RBM39: variants seen among roughly 807,000 people sequenced by gnomAD.
The protein encoded by RBM39 is RNA-binding protein 39.
In RBM39, 12 loss-of-function variants were observed where a neutral mutation model predicts 79.6. The ratio of observed to expected loss-of-function variants is 0.15; its 90% CI spans 0.10 to 0.24. The LOEUF is 0.24. RBM39 is among the 10% of genes least tolerant of loss of function. RBM39 has a pLI of 1.00. For synonymous variants in RBM39, 185 were observed against 208.4 expected (o/e 0.89, Z 0.97); for missense variants, 243 against 653.4 (o/e 0.37, Z 6.85).
At chr20:35,714,972 G>A (rs2036921726) in intron 10 of RBM39, among the ~76,000 whole-genome samples, 1 of 152,094 alleles carries the variant, frequency 6.6e-6, no homozygotes, top group Non-Finnish European at 1.5e-5. Context: ...TAAAATTGGT[G>A]AGCTATGTTT....
At chr20:35,716,560 T>C (rs1569011090) in intron 10 of RBM39, among the ~76,000 whole-genome samples, 180 bp downstream of exon 10, 1 of 152,118 alleles carries the variant, frequency 6.6e-6, no homozygotes, top group South Asian at 2.1e-4. Flanking sequence ...ATATTACCCT[T>C]TGTTGTGAAA....
chr20:35,740,616 G>C (rs777104395), intron 2 of RBM39: 28 of 1,447,718 alleles, frequency 1.9e-5, no homozygotes, highest in Non-Finnish European at 2.6e-5. Context: ...AGAGATAGAT[G>C]GGCATTTATT....
intron 13 of RBM39, 192 bp from the exon 14 acceptor site, chr20:35,707,393 C>A: frequency 2.6e-6 from 1 of 379,628 alleles, no homozygotes; most frequent in Non-Finnish European, 4.8e-6. Flanking sequence ...CTGAGGTAAC[C>A]TAATACTTGA....
At chr20:35,733,861 G>A (rs979665795) in intron 3 of RBM39, among the ~76,000 whole-genome samples, 11 of 152,038 alleles carry the variant, frequency 7.2e-5, no homozygotes, top group African/African-American at 1.9e-4. Context: ...GCTCACTTCC[G>A]TAGTCTTCAC....
At chr20:35,727,241 C>T (rs906957021) in intron 6 of RBM39, among the ~76,000 whole-genome samples, 2 of 151,856 alleles carry the variant, frequency 1.3e-5, no homozygotes, top group South Asian at 4.2e-4. Context: ...CCCAGCTACT[C>T]GGGAGGCTAA....
intron 10 of RBM39, among the ~76,000 whole-genome samples, chr20:35,715,332 G>A (rs533589744): frequency 2.6e-5 from 4 of 152,038 alleles, no homozygotes; most frequent in Admixed American, 6.6e-5. Context: ...CCGCCACCAC[G>A]CCCGGTTAAT....
chr20:35,734,162 A>G, intron 3 of RBM39: 1 of 1,278,448 alleles, frequency 7.8e-7, no homozygotes, highest in South Asian at 1.2e-5. Context: ...GAGTGCATTG[A>G]AAATAGAAAA....
At chr20:35,721,689 TATACTC>T (rs774316109) in intron 9 of RBM39, 45 bp downstream of exon 9, 143 of 1,588,752 alleles carry the variant, frequency 9.0e-5, no homozygotes, top group East Asian at 1.8e-4. Context: ...ATTATGTAGT[TATACTC>T]AGATCAACAA....
At chr20:35,731,777 G>T in intron 4 of RBM39, 164 bp downstream of exon 4, 1 of 730,494 alleles carries the variant, frequency 1.4e-6, no homozygotes, top group Non-Finnish European at 2.3e-6. Flanking sequence ...TCTATGCACT[G>T]TATTTTCACT....
At chr20:35,738,923 C>CA in intron 3 of RBM39, 45 bp downstream of exon 3, 1 of 1,551,798 alleles carries the variant, frequency 6.4e-7, no homozygotes, top group Non-Finnish European at 8.9e-7. Flanking sequence ...TCTAAAACCA[C>CA]AAAAAAGCTC....
At chr20:35,728,117 C>A (rs1362967503) in intron 6 of RBM39, among the ~76,000 whole-genome samples, 1 of 152,164 alleles carries the variant, frequency 6.6e-6, no homozygotes, top group Non-Finnish European at 1.5e-5. Flanking sequence ...GTAAAATAAT[C>A]CATGGAAACT....
chr20:35,716,662 A>G, intron 10 of RBM39, 78 bp downstream of exon 10: 1 of 867,612 alleles, frequency 1.2e-6, no homozygotes, highest in African/African-American at 1.7e-5. Context: ...CAGGAGCTAG[A>G]GACTAATCTG....
At chr20:35,711,899 T>C (rs1412346989) in intron 12 of RBM39, among the ~76,000 whole-genome samples, 1 of 151,912 alleles carries the variant, frequency 6.6e-6, no homozygotes, top group African/African-American at 2.4e-5. Flanking sequence ...TAACCCAGGA[T>C]TTTGGGAGGT....
intron 3 of RBM39, chr20:35,734,120 G>C (rs1021224050): frequency 1.1e-6 from 1 of 893,940 alleles, no homozygotes; most frequent in African/African-American, 1.8e-5. Flanking sequence ...ACTGAGGTCT[G>C]CCTCAGAGAA....
At chr20:35,710,217 G>C (rs929335045) in intron 12 of RBM39, 2 of 152,022 alleles carry the variant, frequency 1.3e-5, no homozygotes, top group Admixed American at 6.6e-5. Context: ...CACATATATG[G>C]GTTTCTTGCA....
At chr20:35,720,867 A>G (rs1333135582) in intron 9 of RBM39, among the ~76,000 whole-genome samples, 1 of 152,208 alleles carries the variant, frequency 6.6e-6, no homozygotes, top group Non-Finnish European at 1.5e-5. Context: ...CCCACTGAAG[A>G]TTTCAACAGA....
At chr20:35,735,640 C>T (rs563516105) in intron 3 of RBM39, among the ~76,000 whole-genome samples, 2 of 152,240 alleles carry the variant, frequency 1.3e-5, no homozygotes, top group African/African-American at 4.8e-5. Context: ...ATATCTATTC[C>T]TAAATACAAA....
At chr20:35,716,690 AG>A in intron 10 of RBM39, 49 bp downstream of exon 10, 2 of 1,122,880 alleles carry the variant, frequency 1.8e-6, no homozygotes, top group Non-Finnish European at 2.6e-6. Flanking sequence ...CAGCAAATGT[AG>A]TTTAAAAAAA....
chr20:35,707,943 A>G (rs1278627919), intron 13 of RBM39: 3 of 465,312 alleles, frequency 6.4e-6, no homozygotes, highest in Non-Finnish European at 1.3e-5. Context: ...AACTCACCGT[A>G]ATCATATTAT....
Sources: allele counts gnomAD v4.1 joint callset (sites outside exome capture counted in the v4.1 genomes callset), GRCh38; gene constraint gnomAD v4.1.1; transcripts MANE v1.5; gene names NCBI Gene and HGNC (gene_info 2026-07-23, HGNC 2026-07-21).